AP2A1: variants seen among roughly 807,000 people sequenced by gnomAD.
The protein encoded by AP2A1 is adaptor related protein complex 2 subunit alpha 1.
Under a neutral mutation model 107.3 loss-of-function variants are expected in AP2A1, and 21 were observed. The ratio of observed to expected loss-of-function variants is 0.20; its 90% CI spans 0.14 to 0.28. AP2A1 has a LOEUF of 0.28. AP2A1 is among the 10% of genes least tolerant of loss of function. The pLI, the probability that AP2A1 is intolerant of heterozygous loss-of-function variation, is 1.00. For synonymous variants in AP2A1, 602 were observed against 564.8 expected (o/e 1.07, Z -0.93); for missense variants, 873 against 1,307.7 (o/e 0.67, Z 5.13).
chr19:49,787,108 G>A (rs1568579230), intron 4 of AP2A1, among the ~76,000 whole-genome samples: 1 of 152,068 alleles, frequency 6.6e-6, no homozygotes, highest in Non-Finnish European at 1.5e-5. Context: ...CTGGGCTGAA[G>A]CGATCTTCCC....
At chr19:49,780,492 G>A (rs1000002843) in intron 1 of AP2A1, among the ~76,000 whole-genome samples, 2 of 152,276 alleles carry the variant, frequency 1.3e-5, no homozygotes, top group Admixed American at 1.3e-4. Context: ...TGGACAGTAG[G>A]GGTCTGAGGG....
chr19:49,772,595 A>C (rs1243064781), intron 1 of AP2A1, among the ~76,000 whole-genome samples: 2 of 151,134 alleles, frequency 1.3e-5, no homozygotes, highest in African/African-American at 2.4e-5. Context: ...TCCCGGGTTC[A>C]TGCCATTCTC....
chr19:49,799,096 C>G, intron 8 of AP2A1, 144 bp downstream of exon 8: 1 of 1,283,180 alleles, frequency 7.8e-7, no homozygotes, highest in Non-Finnish European at 1.1e-6. Context: ...GAAGTGTCAC[C>G]TGTGAGGTTG....
chr19:49,798,051 TGTG>T (rs1836265626), intron 7 of AP2A1, among the ~76,000 whole-genome samples: 1 of 152,186 alleles, frequency 6.6e-6, no homozygotes, highest in Non-Finnish European at 1.5e-5. Flanking sequence ...ATTGCTGCCT[TGTG>T]GTGTATTTTA....
chr19:49,803,373 A>T lies in AP2A1; in HGVS notation c.2341A>T (p.Thr781Ser). The change falls in exon 18 of 23, where the codon ACT (threonine) becomes TCT (serine). Residue 781 changes from threonine (T) to serine (S), a missense_variant. Thr to Ser is a moderately conservative substitution (Grantham distance 58, BLOSUM62 1). Around this residue, in one of 4 missense-constraint regions of AP2A1, gnomAD observed 416 missense variants for 473.4 expected, o/e 0.88. Coordinates refer to ENST00000354293, the MANE Select transcript of AP2A1 (RefSeq NM_130787.3). ...TGTGGTTCACCCGGGAGACCTCCAG[A>T]CTCATATCCTCTCAGGCCCGGCCCA... ...PTVVHPGDLQ[T>S]QLAVQTKRVA... 1 of 1,612,990 alleles carries T rather than the reference A, an allele frequency of 6.2e-7. No individual in the cohort carries two copies. The highest frequency in any genetic ancestry group is 8.5e-7 in the Non-Finnish European group (1 of 1,179,396).
chr19:49,800,242 G>A (rs1326609693), intron 11 of AP2A1, 92 bp downstream of exon 11: 106 of 1,418,420 alleles, frequency 7.5e-5, no homozygotes, highest in Non-Finnish European at 9.9e-5. Context: ...CCAGCCCGCA[G>A]CCACCCTCCT....
chr19:49,802,589 C>T, intron 15 of AP2A1: 1 of 1,600,298 alleles, frequency 6.2e-7, no homozygotes, highest in East Asian at 2.2e-5. Context: ...TGACCCAGCT[C>T]CAGCTGCTGA....
At chr19:49,802,498 GTCTTC>G in intron 15 of AP2A1, 1 of 1,600,440 alleles carries the variant, frequency 6.2e-7, no homozygotes, top group Non-Finnish European at 8.5e-7. Flanking sequence ...TGCCACGCCT[GTCTTC>G]TCTTGTCTGC....
Position 49,778,137 on chromosome 19 carries a change from G to A in AP2A1, c.68-3620G>A, listed in dbSNP as rs549163585. ...CAAGTACAATTGAGTGAATACACTC[G>A]TGTATTAACGATGGGGATATGTTCT... is the stretch of plus-strand genomic sequence containing the variant. On this transcript the variant is annotated intron_variant, in intron 1 of 22. Transcript: ENST00000354293. 7.9e-5 allele frequency among the ~76,000 whole-genome samples: 12 copies of A among 152,206 alleles called. No individual in the cohort carries two copies. In the East Asian group the frequency reaches 9.6e-4, roughly 12 times the overall value.
rs552193549 is a variant in AP2A1 at position 49,788,310 on chromosome 19, A to G, written c.474-3625A>G. Among the ~76,000 whole-genome samples, 3 of 152,140 alleles carry G rather than the reference A, an allele frequency of 2.0e-5. No individual in the cohort carries two copies. The highest frequency in any genetic ancestry group is 6.5e-5 in the Admixed American group (1 of 15,268). On this transcript the variant is annotated intron_variant, in intron 4 of 22. Transcript: ENST00000354293. This position sits in a 1 kb window ranked among gnomAD's most constrained non-coding sequence, Gnocchi z 4.5. ...ATATTGTGTAGTTTAACATTTTCCTAAGTAGCGCCATAGCCCTTATTCCAC... is the reference window on the plus strand; with the variant it reads ...ATATTGTGTAGTTTAACATTTTCCTGAGTAGCGCCATAGCCCTTATTCCAC...
intron 4 of AP2A1, among the ~76,000 whole-genome samples, chr19:49,783,997 G>A (rs1023287258): frequency 6.6e-6 from 1 of 152,122 alleles, no homozygotes; most frequent in Non-Finnish European, 1.5e-5. Context: ...AAGCAAACAC[G>A]AGCCTTTTCT....
chr19:49,769,079 A>G (rs1056292886), intron 1 of AP2A1, among the ~76,000 whole-genome samples: 3 of 152,004 alleles, frequency 2.0e-5, no homozygotes, highest in Non-Finnish European at 4.4e-5. Context: ...GTGAAACTCC[A>G]TCTCTACTAA....
chr19:49,791,829 T>C, intron 4 of AP2A1, 106 bp from the exon 5 acceptor site: 1 of 1,432,750 alleles, frequency 7.0e-7, no homozygotes, highest in Non-Finnish European at 9.4e-7. Context: ...TCTGTCCCTC[T>C]CGCTGGCCTC....
intron 7 of AP2A1, 29 bp from the exon 8 acceptor site, chr19:49,798,773 A>T: frequency 6.3e-7 from 1 of 1,593,040 alleles, no homozygotes; most frequent in Non-Finnish European, 8.5e-7. Context: ...CAGGACACTC[A>T]GCCGGGGGCG....
At chr19:49,790,133 G>A (rs895957871) in intron 4 of AP2A1, among the ~76,000 whole-genome samples, 4 of 152,178 alleles carry the variant, frequency 2.6e-5, no homozygotes, top group Non-Finnish European at 4.4e-5. Flanking sequence ...AAATCAAGGC[G>A]TGGGCAGGGC....
chr19:49,767,238 AG>A, intron 1 of AP2A1, 38 bp downstream of exon 1: 3 of 1,531,686 alleles, frequency 2.0e-6, no homozygotes, highest in Non-Finnish European at 9.0e-7. Context: ...GACGCGGGGG[AG>A]GGGGGAGCGT....
chr19:49,804,087 C>T (rs11879607), intron 18 of AP2A1: 77,088 of 151,820 alleles, frequency 0.51, 19,804 homozygotes, highest in South Asian at 0.63. Flanking sequence ...ATACAAAAAT[C>T]AGCTGGGTGG....
At chr19:49,786,366 T>C (rs1184947113) in intron 4 of AP2A1, among the ~76,000 whole-genome samples, 1 of 152,274 alleles carries the variant, frequency 6.6e-6, no homozygotes, top group African/African-American at 2.4e-5. Context: ...CTATTTTATT[T>C]GACATCTGTG....
intron 1 of AP2A1, among the ~76,000 whole-genome samples, chr19:49,773,861 T>G (rs2084590406): frequency 6.6e-6 from 1 of 152,150 alleles, no homozygotes; most frequent in South Asian, 2.1e-4. Context: ...GAGGCAGGAT[T>G]GTGCTTGTAG....
Sources: allele counts gnomAD v4.1 joint callset (sites outside exome capture counted in the v4.1 genomes callset), GRCh38; gene constraint gnomAD v4.1.1; regional missense constraint gnomAD v4.1.1; non-coding constraint Gnocchi (gnomAD v3.1); transcripts MANE v1.5; gene names NCBI Gene and HGNC (gene_info 2026-07-23, HGNC 2026-07-21).